AEN: variants seen among roughly 807,000 people sequenced by gnomAD.
The protein encoded by AEN is apoptosis enhancing nuclease, also known as apoptosis-enhancing nuclease.
A neutral mutation model predicts 17.7 loss-of-function variants in AEN; 21 were observed. The observed-to-expected ratio is 1.19, with a 90% CI of 0.84 to 1.71. The LOEUF is 1.71. Ranked by LOEUF, AEN falls within the 40% of genes most tolerant of loss-of-function variation. The pLI, the probability that AEN is intolerant of heterozygous loss-of-function variation, is 0.00. For missense variants in AEN, 462 were observed against 435.9 expected, an observed-to-expected ratio of 1.06 and a Z score of -0.53; for synonymous variants, 190 against 173.0, an observed-to-expected ratio of 1.10 and a Z score of -0.77.
the AEN span, among the ~76,000 whole-genome samples, chr15:88,610,537 AG>A: frequency 6.6e-6 from 1 of 152,078 alleles, no homozygotes; most frequent in African/African-American, 2.4e-5. Flanking sequence ...GACCCATGGC[AG>A]AGATGTGCCC....
chr15:88,615,957 T>C, the AEN span, among the ~76,000 whole-genome samples: 1 of 152,150 alleles, frequency 6.6e-6, no homozygotes, highest in South Asian at 2.1e-4. Flanking sequence ...TCTCAAGTGT[T>C]TTCAGATTGA....
At chr15:88,625,895 A>G (rs1013351224) in intron 1 of AEN, among the ~76,000 whole-genome samples, 11 of 152,242 alleles carry the variant, frequency 7.2e-5, no homozygotes, top group Non-Finnish European at 1.6e-4. Context: ...AATGAAGATG[A>G]TAATACTTTG....
At position 88,622,738 on chromosome 15, in the gene AEN, C is replaced by T. The variant is rs2057803586; in HGVS notation, c.-65+1356C>T. On this transcript the variant is annotated intron_variant, in intron 1 of 3. Coordinates refer to ENST00000332810, the MANE Select transcript of AEN (RefSeq NM_022767.4). ...TTTTAACTATCAGGCTAAGGTCAGG[C>T]AGGCCCAGGCCTGGTTTTGGGTCTG... is the stretch of plus-strand genomic sequence containing the variant. Among the ~76,000 whole-genome samples the T allele has an allele frequency of 3.9e-5, 6 of 152,322 alleles. No homozygotes were observed. In the South Asian group the frequency reaches 1.2e-3, roughly 32 times the overall value.
the AEN span, among the ~76,000 whole-genome samples, chr15:88,609,294 T>C: frequency 6.6e-6 from 1 of 152,246 alleles, no homozygotes; most frequent in East Asian, 1.9e-4. Context: ...AAAGTAGGGC[T>C]GAACAAATGT....
upstream of AEN, among the ~76,000 whole-genome samples, chr15:88,616,876 C>G (rs1369573253): frequency 1.3e-5 from 2 of 152,102 alleles, no homozygotes; most frequent in African/African-American, 2.4e-5. Flanking sequence ...GTTGTAAGTA[C>G]ATCTAAGGTA....
chr15:88,630,023 CCTGCAGGCAGTGATG>C lies in AEN; in HGVS notation c.742-34_742-20del. Reference sequence around the variant, plus strand: ...TTGGGGTAACAGGCCTCTCACTAGGCCTGCAGGCAGTGATGTGTTGGCTCTCGTCAGTAGGTGGGC... The same window carrying C: ...TTGGGGTAACAGGCCTCTCACTAGGCTGTTGGCTCTCGTCAGTAGGTGGGC... On this transcript the variant is annotated intron_variant, in intron 3 of 3. Coordinates refer to ENST00000332810, the MANE Select transcript of AEN (RefSeq NM_022767.4). This position sits in a 1 kb window ranked among gnomAD's most constrained non-coding sequence, Gnocchi z 5.1. 6.2e-7 allele frequency: 1 copy of C among 1,606,848 alleles called. No individual in the cohort carries two copies.
intron 2 of AEN, chr15:88,628,149 C>G (rs1010964757): frequency 6.6e-6 from 1 of 152,158 alleles, no homozygotes; most frequent in Non-Finnish European, 1.5e-5. Flanking sequence ...AGAGCAGGAC[C>G]ACTTTTTGTC....
At chr15:88,621,244 A>G (rs948522285), upstream of AEN, 1 of 152,202 alleles carries the variant, frequency 6.6e-6, no homozygotes, top group African/African-American at 2.4e-5. Flanking sequence ...GGCTCGACCA[A>G]TCAGAAGAGG....
Position 88,631,074 on chromosome 15 carries a change from T to C in AEN, c.*780T>C, listed in dbSNP as rs750867305. ...CTTTGGACGAGAACTGGCATATTTA[T>C]TTTGACCCAAATCAGGGATTTCCCC... On this transcript the variant is annotated 3_prime_UTR_variant, in exon 4 of 4. Coordinates refer to ENST00000332810, the MANE Select transcript of AEN (RefSeq NM_022767.4). 1.4e-4 allele frequency: 62 copies of C among 454,558 alleles called. No individual in the cohort carries two copies. In the Middle Eastern group the frequency reaches 5.5e-3, roughly 41 times the overall value. The allele number at this position is 454,558 out of a possible 1,614,324, so 28.2% of individuals were successfully genotyped here. A position where few individuals can be genotyped will look rare whatever the true frequency, so the allele number is the denominator to read the frequency against.
intron 1 of AEN, among the ~76,000 whole-genome samples, chr15:88,625,694 A>G (rs562342367): frequency 6.6e-6 from 1 of 152,330 alleles, no homozygotes; most frequent in East Asian, 1.9e-4. Context: ...TTATTTTCCT[A>G]TAACCATACC....
At chr15:88,608,772 TG>T in the AEN span, among the ~76,000 whole-genome samples, 1 of 152,236 alleles carries the variant, frequency 6.6e-6, no homozygotes, top group Non-Finnish European at 1.5e-5. Flanking sequence ...AAAAGCTGAA[TG>T]GATGGAGACA....
the AEN span, among the ~76,000 whole-genome samples, chr15:88,610,012 G>T: frequency 0.017 from 2,559 of 152,286 alleles, 66 homozygotes; most frequent in South Asian, 0.063. Context: ...GGTTGCTCAT[G>T]TAAGCTAGAT....
chr15:88,611,770 G>A, the AEN span: 8 of 421,938 alleles, frequency 1.9e-5, no homozygotes, highest in East Asian at 7.7e-5. Flanking sequence ...CATCCAGACC[G>A]CTGACCTGGT....
chr15:88,618,861 C>T (rs2057759100), upstream of AEN, among the ~76,000 whole-genome samples: 1 of 152,164 alleles, frequency 6.6e-6, no homozygotes, highest in Non-Finnish European at 1.5e-5. Context: ...GGCTGGAGTG[C>T]AGTGGCTCAA....
At chr15:88,613,329 T>C in the AEN span, among the ~76,000 whole-genome samples, 3 of 152,226 alleles carry the variant, frequency 2.0e-5, no homozygotes, top group East Asian at 5.8e-4. Context: ...AATTTCCCTT[T>C]ACTCCTAACC....
At chr15:88,620,842 G>A (rs1437654526), upstream of AEN, among the ~76,000 whole-genome samples, 2 of 152,210 alleles carry the variant, frequency 1.3e-5, no homozygotes, top group African/African-American at 4.8e-5. Context: ...GGAGTCAAGT[G>A]TTGCAAAAGA....
chr15:88,614,609 A>G, the AEN span, among the ~76,000 whole-genome samples: 1 of 152,188 alleles, frequency 6.6e-6, no homozygotes, highest in East Asian at 1.9e-4. Context: ...AACCGGGTTT[A>G]CGAAACAGCC....
chr15:88,607,488 G>A, the AEN span, among the ~76,000 whole-genome samples: 2 of 152,228 alleles, frequency 1.3e-5, no homozygotes, highest in Non-Finnish European at 2.9e-5. Flanking sequence ...AACAGCCTGT[G>A]CTCTGTGCAC....
chr15:88,617,385 C>T (rs1034446090), upstream of AEN, among the ~76,000 whole-genome samples: 3 of 152,136 alleles, frequency 2.0e-5, no homozygotes, highest in Non-Finnish European at 4.4e-5. Context: ...TCCTGAGTAG[C>T]TGGGATTATA....
Sources: allele counts gnomAD v4.1 joint callset (sites outside exome capture counted in the v4.1 genomes callset), GRCh38; gene constraint gnomAD v4.1.1; non-coding constraint Gnocchi (gnomAD v3.1); transcripts MANE v1.5; gene names NCBI Gene and HGNC (gene_info 2026-07-23, HGNC 2026-07-21).